The following NOTCH4 variants were observed in gnomAD, a reference collection of about 807,000 sequenced individuals.
The protein encoded by NOTCH4 is neurogenic locus notch homolog protein 4.
A neutral mutation model predicts 189.0 loss-of-function variants in NOTCH4; 138 were observed. The observed-to-expected ratio is 0.73, with a 90% CI of 0.64 to 0.84. The LOEUF is 0.84. Among genes scored for constraint, NOTCH4 ranks in the 40% least tolerant of loss-of-function variants. The pLI is 0.00. For synonymous variants in NOTCH4, 942 were observed against 1,032.8 expected, an observed-to-expected ratio of 0.91 and a Z score of 1.69; for missense variants, 2,286 against 2,605.4, an observed-to-expected ratio of 0.88 and a Z score of 2.67.
chr6:32,214,392 AGCACC>A (rs1789240813), intron 12 of NOTCH4, 137 bp from the exon 13 acceptor site: 1 of 849,874 alleles, frequency 1.2e-6, no homozygotes, highest in African/African-American at 1.7e-5. Context: ...CTTTGCTCTC[AGCACC>A]GCCCCCATCC....
Position 32,212,969 on chromosome 6 carries a change from A to G in NOTCH4, c.2439-58T>C, listed in dbSNP as rs1789122871. 3.8e-5 allele frequency: 56 copies of G among 1,472,236 alleles called. No individual in the cohort carries two copies. In the South Asian group the frequency reaches 6.4e-4, roughly 17 times the overall value. The allele number at this position is 1,472,236 out of a possible 1,614,324, so 91.2% of individuals were successfully genotyped here. A position where few individuals can be genotyped will look rare whatever the true frequency, so the allele number is the denominator to read the frequency against. ...GAAGTTCGGGCAACAAGGGGAAGGT[A>G]GTGTGTGATATTGTCGGGAGGCAAC... On this transcript the variant is annotated intron_variant, in intron 15 of 29. Transcript: ENST00000375023. The surrounding 1 kb of genome is among the most constrained non-coding windows in gnomAD (Gnocchi z 4.4).
chr6:32,221,087 A>G lies in NOTCH4; in HGVS notation c.690T>C (p.Arg230=). The G allele has an allele frequency of 6.2e-7, 1 of 1,613,086 alleles. No homozygotes were observed. Among genetic ancestry groups the G allele is most frequent in the African/African-American group, 1.3e-5 (1 of 75,032 alleles). Residue 230 remains arginine, a synonymous_variant, in exon 4 of 30, where the codon CGT becomes CGC. Coordinates refer to ENST00000375023, the MANE Select transcript of NOTCH4 (RefSeq NM_004557.4). This position sits in a 1 kb window ranked among gnomAD's most constrained non-coding sequence, Gnocchi z 4.3. The part of the protein sequence containing the change: ...CLCPVGQEGP[R]CELRAGPCPP... ...GGCAGGGTCCTGCCCGCAGCTCACA[A>G]CGTGGACCCTCCTGCCCCACAGGGC...
chr6:32,201,899 C>T lies in NOTCH4; in HGVS notation c.3755+177G>A. On this transcript the variant is annotated intron_variant, in intron 21 of 29. Transcript: ENST00000375023. The surrounding 1 kb of genome is among the most constrained non-coding windows in gnomAD (Gnocchi z 5.5). Reference sequence around the variant, plus strand: ...GCCCCACATTAAATACTGATGCCACCCCATTACCCTAGGTTGGAGTCCAGA... The same window carrying T: ...GCCCCACATTAAATACTGATGCCACTCCATTACCCTAGGTTGGAGTCCAGA... The T allele has an allele frequency of 2.0e-6, 1 of 501,944 alleles. No individual in the cohort carries two copies. Among genetic ancestry groups the T allele is most frequent in the Non-Finnish European group, 3.2e-6 (1 of 314,096 alleles). 31.1% of individuals were successfully genotyped at this position (501,944 alleles called of 1,614,324 possible). A position where few individuals can be genotyped will look rare whatever the true frequency, so the allele number is the denominator to read the frequency against.
chr6:32,199,164 T>G lies in NOTCH4; in HGVS notation c.4316-19A>C. On this transcript the variant is annotated intron_variant, in intron 23 of 29. Transcript: ENST00000375023. This position sits in a 1 kb window ranked among gnomAD's most constrained non-coding sequence, Gnocchi z 4.9. ...GGGGGTGCTGGTGGGAGAGACAGAG[T>G]CACAAAGAGAGGCCACTCCTGGTGA... The G allele has an allele frequency of 1.9e-6, 3 of 1,544,310 alleles. No individual in the cohort carries two copies. In the South Asian group the frequency reaches 3.5e-5, roughly 18 times the overall value.
In NOTCH4 at chr6:32,210,735, C is replaced by G. The variant is rs748557390; in HGVS notation, c.2865+17G>C. On this transcript the variant is annotated intron_variant, in intron 18 of 29. Transcript: ENST00000375023. This position sits in a 1 kb window ranked among gnomAD's most constrained non-coding sequence, Gnocchi z 4.8. ...CACCCTTGTCTTTCCTCCCCCTTCT[C>G]CTGCAGACCCTCTCACCTGGCAGAG... 3 of 1,611,398 alleles carry G rather than the reference C, an allele frequency of 1.9e-6. No homozygotes were observed. Among genetic ancestry groups the G allele is most frequent in the Admixed American group, 3.3e-5 (2 of 60,016 alleles).
chr6:32,200,392 G>A lies in NOTCH4; in HGVS notation c.4315+439C>T, dbSNP rs1230566503. 6.6e-6 allele frequency among the ~76,000 whole-genome samples: 1 copy of A among 151,990 alleles called. No individual in the cohort carries two copies. Among genetic ancestry groups the A allele is most frequent in the Non-Finnish European group, 1.5e-5 (1 of 67,988 alleles). ...CAGCCGGCTAATTTTTTTATTTTTA[G>A]TAGAGACAGGGTTTCACCGCATTAG... On this transcript the variant is annotated intron_variant, in intron 23 of 29. Transcript: ENST00000375023. The surrounding 1 kb of genome is among the most constrained non-coding windows in gnomAD (Gnocchi z 5.0).
In NOTCH4 at chr6:32,223,804, T is replaced by A. The variant is rs396960; in HGVS notation, c.73+52A>T. The A allele has an allele frequency of 0.25, 389,121 of 1,553,888 alleles. 52,112 individuals are homozygous for A. The highest frequency in any genetic ancestry group is 0.38 in the East Asian group (16,545 of 43,006). ...TGGCCCTCTTCCCCCACCCCACTGA[T>A]CATCCTCCTAAGGGAGCTGGGTCCC... On this transcript the variant is annotated intron_variant, in intron 1 of 29. Coordinates refer to ENST00000375023, the MANE Select transcript of NOTCH4 (RefSeq NM_004557.4).
At position 32,212,996 on chromosome 6, in the gene NOTCH4, A is replaced by G; in HGVS notation, c.2439-85T>C. 3 of 1,368,992 alleles carry G rather than the reference A, an allele frequency of 2.2e-6. No homozygotes were observed. The allele number at this position is 1,368,992 out of a possible 1,614,324, so 84.8% of individuals were successfully genotyped here. A position where few individuals can be genotyped will look rare whatever the true frequency, so the allele number is the denominator to read the frequency against. ...TGTGTGATATTGTCGGGAGGCAACC[A>G]CAGGGAGGTGGCAAGCCAGGAGGGA... On this transcript the variant is annotated intron_variant, in intron 15 of 29. Coordinates refer to ENST00000375023, the MANE Select transcript of NOTCH4 (RefSeq NM_004557.4). This position sits in a 1 kb window ranked among gnomAD's most constrained non-coding sequence, Gnocchi z 4.4.
At position 32,220,560 on chromosome 6, in the gene NOTCH4, G is replaced by A. The variant is rs772628389; in HGVS notation, c.1004C>T (p.Ser335Phe). 1.2e-6 allele frequency: 2 copies of A among 1,613,948 alleles called. No homozygotes were observed. Among genetic ancestry groups the A allele is most frequent in the Non-Finnish European group, 1.7e-6 (2 of 1,180,024 alleles). ...ACACACGCAGTGAAAGCTACCAGCAGAGTTCTGGCAGGTGCCCCCGTTTCT... is the reference window on the plus strand; with the variant it reads ...ACACACGCAGTGAAAGCTACCAGCAAAGTTCTGGCAGGTGCCCCCGTTTCT... ...HCRNGGTCQN[S>F]AGSFHCVCVS... The change falls in exon 6 of 30, where the codon TCT (serine) becomes TTT (phenylalanine). Residue 335 changes from serine (S) to phenylalanine (F), a missense_variant. By Grantham distance (155) the Ser-to-Phe change is radical. This residue lies in a region of NOTCH4 where 1,903 missense variants were observed against 2,261.9 expected (regional missense o/e 0.84). Transcript: ENST00000375023.
At position 32,199,072 on chromosome 6, in the gene NOTCH4, C is replaced by A. The variant is rs550361250; in HGVS notation, c.4389G>T (p.Gly1463=). 1.7e-5 allele frequency: 27 copies of A among 1,612,754 alleles called. No homozygotes were observed. The East Asian group carries it at 3.8e-4, about 23-fold the overall frequency. The change falls in exon 24 of 30, where the codon GGG becomes GGT. Residue 1463 remains glycine, a synonymous_variant. Coordinates refer to ENST00000375023, the MANE Select transcript of NOTCH4 (RefSeq NM_004557.4). The surrounding 1 kb of genome is among the most constrained non-coding windows in gnomAD (Gnocchi z 4.9). ...PVAGVILLAL[G]ALLVLQLIRR... Reference sequence around the variant, plus strand: ...GGATGAGCTGGAGGACGAGAAGAGCCCCTAGGGCCAGGAGAATCACCCCGG... The same window carrying A: ...GGATGAGCTGGAGGACGAGAAGAGCACCTAGGGCCAGGAGAATCACCCCGG...
In NOTCH4 at chr6:32,196,140, G is replaced by A; in HGVS notation, c.5309C>T (p.Pro1770Leu). 2 of 1,590,144 alleles carry A rather than the reference G, an allele frequency of 1.3e-6. No homozygotes were observed. Among genetic ancestry groups the A allele is most frequent in the Non-Finnish European group, 1.7e-6 (2 of 1,174,862 alleles). Reference sequence around the variant, plus strand: ...TCCTTCCCGCGCCGCCAGGAATAGCGGCGTCTGCTCCTGTACAGAAGAGCC... The same window carrying A: ...TCCTTCCCGCGCCGCCAGGAATAGCAGCGTCTGCTCCTGTACAGAAGAGCC... Reference protein sequence around the residue: ...KDAQDNREQTPLFLAAREGAV... With the variant: ...KDAQDNREQTLLFLAAREGAV... Residue 1770 changes from proline (P) to leucine (L), a missense_variant, in exon 30 of 30, where the codon CCG (proline) becomes CTG (leucine). By Grantham distance (98) the Pro-to-Leu change is moderately conservative. Transcript: ENST00000375023.
chr6:32,219,885 C>A, intron 7 of NOTCH4, 99 bp from the exon 8 acceptor site: 1 of 1,044,046 alleles, frequency 9.6e-7, no homozygotes, highest in Admixed American at 2.6e-5. Flanking sequence ...GTGTGGCAGA[C>A]GAGACCAAAT....
chr6:32,222,258 A>G (rs542475454), intron 3 of NOTCH4, among the ~76,000 whole-genome samples: 1 of 152,356 alleles, frequency 6.6e-6, no homozygotes, highest in Admixed American at 6.5e-5. Flanking sequence ...TAGAACAGGC[A>G]TCAGGATGGT....
Position 32,210,552 on chromosome 6 carries a change from C to A in NOTCH4, c.2865+200G>T, listed in dbSNP as rs1290451735. On this transcript the variant is annotated intron_variant, in intron 18 of 29. Coordinates refer to ENST00000375023, the MANE Select transcript of NOTCH4 (RefSeq NM_004557.4). This position sits in a 1 kb window ranked among gnomAD's most constrained non-coding sequence, Gnocchi z 4.8. ...AAAGGTCAGGACTCAGGCAGTGGGA[C>A]AAAGGGTGAAGGTGAAAGCACAGAC... Among the ~76,000 whole-genome samples the A allele has an allele frequency of 6.6e-6, 1 of 152,048 alleles. No homozygotes were observed. The highest frequency in any genetic ancestry group is 2.4e-5 in the African/African-American group (1 of 41,402).
rs375072846 is a variant in NOTCH4, at chr6:32,205,294, AATC to A, written c.2866-908_2866-906del. On this transcript the variant is annotated intron_variant, in intron 18 of 29. Coordinates refer to ENST00000375023, the MANE Select transcript of NOTCH4 (RefSeq NM_004557.4). ...GCCGGGTGCGGTGGCTCACGCCTGT[AATC>A]CCAGCACTTTGGTAGGCTGAGGTGG... 1.9e-3 allele frequency among the ~76,000 whole-genome samples: 283 copies of A among 152,152 alleles called. 2 individuals are homozygous for A. Among genetic ancestry groups the A allele is most frequent in the African/African-American group, 6.0e-3 (249 of 41,548 alleles).
At chr6:32,223,408 C>T (rs143654616) in intron 1 of NOTCH4, among the ~76,000 whole-genome samples, 4 of 152,068 alleles carry the variant, frequency 2.6e-5, no homozygotes, top group Admixed American at 6.6e-5. Flanking sequence ...GCTGAGACTT[C>T]GAAGAGATTT....
rs772628389 is a variant in NOTCH4 at position 32,220,560 on chromosome 6, G to C, written c.1004C>G (p.Ser335Cys). The C allele has an allele frequency of 6.2e-7, 1 of 1,613,830 alleles. No individual in the cohort carries two copies. The highest frequency in any genetic ancestry group is 1.3e-5 in the African/African-American group (1 of 74,948). Residue 335 changes from serine (S) to cysteine (C), a missense_variant, in exon 6 of 30, where the codon TCT becomes TGT. Transcript: ENST00000375023. The stretch of plus-strand genomic sequence containing the variant: ...ACACACGCAGTGAAAGCTACCAGCA[G>C]AGTTCTGGCAGGTGCCCCCGTTTCT... ...HCRNGGTCQN[S>C]AGSFHCVCVS...
chr6:32,201,251 G>T lies in NOTCH4; in HGVS notation c.4005C>A (p.Gly1335=), dbSNP rs758350656. The T allele has an allele frequency of 6.2e-7, 1 of 1,613,010 alleles. No individual in the cohort carries two copies. Among genetic ancestry groups the T allele is most frequent in the Non-Finnish European group, 8.5e-7 (1 of 1,180,010 alleles). The change falls in exon 22 of 30, where the codon GGC becomes GGA. Residue 1335 remains glycine, a synonymous_variant. Coordinates refer to ENST00000375023, the MANE Select transcript of NOTCH4 (RefSeq NM_004557.4). The surrounding 1 kb of genome is among the most constrained non-coding windows in gnomAD (Gnocchi z 5.5). ...VGLWVRKDRD[G]RDMVYPYPGA... The stretch of plus-strand genomic sequence containing the variant: ...CAGGATAGGGGTACACCATGTCCCT[G>T]CCATCACGATCCTTCCTTACCCAGA...
At position 32,195,587 on chromosome 6, in the gene NOTCH4, C is replaced by G; in HGVS notation, c.5862G>C (p.Val1954=). 1 of 1,613,138 alleles carries G rather than the reference C, an allele frequency of 6.2e-7. No homozygotes were observed. Among genetic ancestry groups the G allele is most frequent in the South Asian group, 1.1e-5 (1 of 91,086 alleles). The change falls in exon 30 of 30, where the codon GTG becomes GTC. Residue 1954 remains valine, a synonymous_variant. Coordinates refer to ENST00000375023, the MANE Select transcript of NOTCH4 (RefSeq NM_004557.4). The surrounding 1 kb of genome is among the most constrained non-coding windows in gnomAD (Gnocchi z 5.4). ...AGGCAGAACCGCAAGCTCCCAGGGCCACCCAATCACAGGGCCAGTCATCCG... is the reference window on the plus strand; with the variant it reads ...AGGCAGAACCGCAAGCTCCCAGGGCGACCCAATCACAGGGCCAGTCATCCG... ...VSTDDWPCDW[V]ALGACGSASN...
Sources: gnomAD v4.1 joint callset for allele counts (sites outside exome capture counted in the v4.1 genomes callset) on GRCh38, gnomAD v4.1.1 for gene constraint, gnomAD v4.1.1 regional missense constraint, Gnocchi (gnomAD v3.1) non-coding constraint, MANE v1.5 for transcripts, NCBI Gene and HGNC (gene_info 2026-07-23, HGNC 2026-07-21) for gene names.